MYO1D: variants seen among roughly 807,000 people sequenced by gnomAD.
MYO1D encodes the protein myosin ID, also known as unconventional myosin-Id.
MYO1D carries 83 observed loss-of-function variants against 122.0 expected under a neutral mutation model. That is an observed-to-expected ratio of 0.68 (90% confidence interval 0.57 to 0.82). The LOEUF is 0.82. Among genes scored for constraint, MYO1D ranks in the 40% least tolerant of loss-of-function variants. MYO1D has a pLI of 0.00. For missense variants in MYO1D, 1,157 were observed against 1,269.5 expected (o/e 0.91, Z 1.35); for synonymous variants, 464 against 446.9 (o/e 1.04, Z -0.48).
chr17:32,553,077 C>CAAAAAA (rs200769034), intron 21 of MYO1D, among the ~76,000 whole-genome samples: 4 of 105,820 alleles, frequency 3.8e-5, no homozygotes, highest in East Asian at 3.7e-4. Context: ...TTCTCTAAGA[C>CAAAAAA]AAAAAAAAAA....
chr17:32,641,713 T>C (rs1029867873), intron 19 of MYO1D, among the ~76,000 whole-genome samples: 8 of 152,374 alleles, frequency 5.3e-5, no homozygotes, highest in African/African-American at 1.9e-4. Context: ...CATGTGTGTG[T>C]TGGCTGCATA....
chr17:32,871,403 G>T (rs1220901696), intron 1 of MYO1D, among the ~76,000 whole-genome samples: 2 of 152,112 alleles, frequency 1.3e-5, no homozygotes, highest in African/African-American at 4.8e-5. Flanking sequence ...AAAATCCCAG[G>T]TCTAAGCAAA....
At chr17:32,613,278 T>C (rs1163399337) in intron 20 of MYO1D, among the ~76,000 whole-genome samples, 1 of 151,824 alleles carries the variant, frequency 6.6e-6, no homozygotes, top group Admixed American at 6.6e-5. Context: ...AAGAGAAAAA[T>C]CATACTGACT....
intron 1 of MYO1D, chr17:32,792,678 T>G (rs1213041500): frequency 3.3e-5 from 5 of 152,240 alleles, no homozygotes; most frequent in Non-Finnish European, 5.9e-5. Flanking sequence ...GGTCTCGTTC[T>G]GTCACTTAGG....
chr17:32,817,538 A>T (rs542620198), intron 1 of MYO1D, among the ~76,000 whole-genome samples: 3 of 152,334 alleles, frequency 2.0e-5, no homozygotes, highest in African/African-American at 7.2e-5. Context: ...TTTCAAGGAA[A>T]GTAATCCTTC....
intron 15 of MYO1D, among the ~76,000 whole-genome samples, chr17:32,715,370 A>G (rs2089430143): frequency 1.3e-5 from 2 of 152,220 alleles, no homozygotes; most frequent in Admixed American, 1.3e-4. Flanking sequence ...TTGTTAAGAT[A>G]GTAGATATGT....
intron 3 of MYO1D, among the ~76,000 whole-genome samples, chr17:32,776,291 G>A (rs2090171635): frequency 6.6e-6 from 1 of 152,188 alleles, no homozygotes; most frequent in Non-Finnish European, 1.5e-5. Flanking sequence ...GAAATGTCCA[G>A]CATATATTAA....
rs2088451018 is a variant in MYO1D, at chr17:32,654,691, T to G, written c.2346-70A>C. ...CCCATGCATTCTCTCTCTCTTTTTTTTTTTCTTTTTTGAGTCTCCCTCCAT... is the reference window on the plus strand; with the variant it reads ...CCCATGCATTCTCTCTCTCTTTTTTGTTTTCTTTTTTGAGTCTCCCTCCAT... On this transcript the variant is annotated intron_variant, in intron 17 of 21. Transcript: ENST00000318217. 2.8e-6 allele frequency: 4 copies of G among 1,410,676 alleles called. No individual in the cohort carries two copies. The East Asian group carries it at 7.8e-5, about 27-fold the overall frequency. The allele number at this position is 1,410,676 out of a possible 1,614,324, so 87.4% of individuals were successfully genotyped here.
At chr17:32,834,335 T>A (rs769346282) in intron 1 of MYO1D, among the ~76,000 whole-genome samples, 2 of 152,214 alleles carry the variant, frequency 1.3e-5, no homozygotes, top group Non-Finnish European at 2.9e-5. Flanking sequence ...CCTGTCCTCA[T>A]GGAGCTTGCA....
At chr17:32,563,002 T>C (rs998130446) in intron 21 of MYO1D, among the ~76,000 whole-genome samples, 2 of 152,150 alleles carry the variant, frequency 1.3e-5, no homozygotes, top group African/African-American at 4.8e-5. Context: ...AATATATCAA[T>C]GCAGAACCTT....
At chr17:32,737,061 T>C (rs1329528225) in intron 14 of MYO1D, among the ~76,000 whole-genome samples, 2 of 152,234 alleles carry the variant, frequency 1.3e-5, no homozygotes, top group South Asian at 2.1e-4. Context: ...GGCATTTGCC[T>C]AATTTATCTA....
intron 1 of MYO1D, among the ~76,000 whole-genome samples, chr17:32,860,911 G>A (rs1261995325): frequency 6.6e-6 from 1 of 152,094 alleles, no homozygotes; most frequent in Non-Finnish European, 1.5e-5. Context: ...AGCATAAAAT[G>A]AAGAAAAGTA....
At chr17:32,560,556 T>TATATATATATATAC (rs2087113089) in intron 21 of MYO1D, among the ~76,000 whole-genome samples, 3 of 114,130 alleles carry the variant, frequency 2.6e-5, no homozygotes, top group Non-Finnish European at 5.8e-5. Flanking sequence ...TATATATATA[T>TATATATATATATAC]ATATATATAT....
At chr17:32,866,391 C>T (rs2091125207) in intron 1 of MYO1D, among the ~76,000 whole-genome samples, 1 of 152,232 alleles carries the variant, frequency 6.6e-6, no homozygotes. Flanking sequence ...GTCATCAGGA[C>T]CTGCCTCCCC....
chr17:32,751,485 T>C (rs911960865), intron 11 of MYO1D, among the ~76,000 whole-genome samples: 17 of 152,202 alleles, frequency 1.1e-4, no homozygotes, highest in African/African-American at 4.1e-4. Flanking sequence ...TAATTCCTGT[T>C]CACTGATAAC....
chr17:32,501,204 GTGA>G (rs1290552090), intron 21 of MYO1D, among the ~76,000 whole-genome samples: 4 of 152,060 alleles, frequency 2.6e-5, no homozygotes, highest in African/African-American at 7.2e-5. Context: ...TGTGATGATG[GTGA>G]TGATGATGAT....
chr17:32,848,187 T>C (rs2090954778), intron 1 of MYO1D, among the ~76,000 whole-genome samples: 1 of 152,224 alleles, frequency 6.6e-6, no homozygotes, highest in East Asian at 1.9e-4. Flanking sequence ...ATAAAACATA[T>C]GATTAGGGCA....
At chr17:32,867,527 T>C (rs1305898647) in intron 1 of MYO1D, among the ~76,000 whole-genome samples, 1 of 151,966 alleles carries the variant, frequency 6.6e-6, no homozygotes, top group East Asian at 1.9e-4. Context: ...CCGGGTACAG[T>C]GACCCACGCC....
chr17:32,587,451 G>A (rs1429535199), intron 21 of MYO1D, among the ~76,000 whole-genome samples: 2 of 151,068 alleles, frequency 1.3e-5, no homozygotes, highest in Non-Finnish European at 2.9e-5. Flanking sequence ...GGTGGGGGTT[G>A]CAGTGAGCCA....
Sources: gnomAD v4.1 joint callset for allele counts (sites outside exome capture counted in the v4.1 genomes callset) on GRCh38, gnomAD v4.1.1 for gene constraint, MANE v1.5 for transcripts, NCBI Gene and HGNC (gene_info 2026-07-23, HGNC 2026-07-21) for gene names.